Variants in RNF126 observed in about 807,000 individuals in gnomAD.
The protein encoded by RNF126 is E3 ubiquitin-protein ligase RNF126.
In RNF126, 20 loss-of-function variants were observed where a neutral mutation model predicts 41.9. That is an observed-to-expected ratio of 0.48 (90% CI 0.34 to 0.69). The LOEUF (loss-of-function observed/expected upper bound fraction) is 0.69, where lower values mean the gene tolerates loss of function less well. Among genes scored for constraint, RNF126 ranks in the 30% least tolerant of loss-of-function variants. The pLI is 0.01. For missense variants in RNF126, 433 were observed against 460.6 expected (o/e 0.94, Z 0.55); for synonymous variants, 239 against 202.9 (o/e 1.18, Z -1.51).
At chr19:649,370 A>G in intron 6 of RNF126, 1 of 397,406 alleles carries the variant, frequency 2.5e-6, no homozygotes. Flanking sequence ...ACTTGGAAGC[A>G]GGTCAGGGCG....
rs532081713 is a variant in RNF126, at chr19:652,485, C to G, written c.135-189G>C. 6.2e-5 allele frequency: 38 copies of G among 616,100 alleles called. No individual in the cohort carries two copies. In the South Asian group the frequency reaches 6.9e-4, roughly 11 times the overall value. 38.2% of individuals were successfully genotyped at this position (616,100 alleles called of 1,614,324 possible). A position where few individuals can be genotyped will look rare whatever the true frequency, so the allele number is the denominator to read the frequency against. On this transcript the variant is annotated intron_variant, in intron 2 of 8. Coordinates refer to ENST00000292363, the MANE Select transcript of RNF126 (RefSeq NM_194460.3). The stretch of plus-strand genomic sequence containing the variant: ...CCTCGCCAGTAAACCACGGGTTTCT[C>G]GATAAACCGGTGCAGACCCCAACAG...
chr19:648,068 G>A lies in RNF126; in HGVS notation c.*60C>T. 2.0e-6 allele frequency: 3 copies of A among 1,485,576 alleles called. No individual in the cohort carries two copies. Among genetic ancestry groups the A allele is most frequent in the Non-Finnish European group, 2.7e-6 (3 of 1,116,670 alleles). 92.0% of individuals were successfully genotyped at this position (1,485,576 alleles called of 1,614,324 possible). On this transcript the variant is annotated 3_prime_UTR_variant, in exon 9 of 9. Transcript: ENST00000292363. ...GGGGCACCCAGTCTGTGGGTGCCGT[G>A]TGGCGCTGGCTGAGGGTGGGTGGGA...
At chr19:648,656 C>T (rs1251865518) in intron 7 of RNF126, among the ~76,000 whole-genome samples, 169 bp from the exon 8 acceptor site, 1 of 152,194 alleles carries the variant, frequency 6.6e-6, no homozygotes, top group Non-Finnish European at 1.5e-5. Context: ...AGAACCCTCT[C>T]CTCCCAGCCC....
chr19:650,434 A>G (rs1453362640), intron 4 of RNF126, 138 bp from the exon 5 acceptor site: 2 of 726,816 alleles, frequency 2.8e-6, no homozygotes, highest in Non-Finnish European at 4.5e-6. Context: ...TTATTTTACT[A>G]TGAGCCAGGG....
intron 1 of RNF126, among the ~76,000 whole-genome samples, chr19:654,013 G>T (rs1349336047): frequency 1.3e-5 from 2 of 152,134 alleles, no homozygotes; most frequent in Non-Finnish European, 2.9e-5. Context: ...GCAGGGGCAG[G>T]GGCTGGGACC....
At chr19:662,469 C>T (rs1381306866) in intron 1 of RNF126, among the ~76,000 whole-genome samples, 3 of 152,158 alleles carry the variant, frequency 2.0e-5, no homozygotes, top group Non-Finnish European at 4.4e-5. Flanking sequence ...GGTCGGACCC[C>T]GGGACAGTGC....
At chr19:654,991 C>T (rs1222447706) in intron 1 of RNF126, among the ~76,000 whole-genome samples, 1 of 150,572 alleles carries the variant, frequency 6.6e-6, no homozygotes. Flanking sequence ...GTGCTTACAA[C>T]TCAAAAGAAA....
At position 652,300 on chromosome 19, in the gene RNF126, G is replaced by GT. The variant is rs2030347651; in HGVS notation, c.135-5_135-4insA. The GT allele has an allele frequency of 8.3e-6, 13 of 1,558,220 alleles. No homozygotes were observed. Among genetic ancestry groups the GT allele is most frequent in the Middle Eastern group, 1.7e-4 (1 of 5,924 alleles). The stretch of plus-strand genomic sequence containing the variant: ...GGCAGAACCATTTTCTGTGCTCCTG[G>GT]GGAGAGAGTGCAGGTCAGCAGTGCC... On this transcript the variant is annotated splice_region_variant and splice_polypyrimidine_tract_variant and intron_variant, in intron 2 of 8. Transcript: ENST00000292363.
intron 1 of RNF126, among the ~76,000 whole-genome samples, chr19:655,905 T>C (rs1004531246): frequency 5.3e-5 from 8 of 151,680 alleles, no homozygotes; most frequent in African/African-American, 1.9e-4. Flanking sequence ...GATTGCATCT[T>C]GAGGACATCA....
chr19:653,003 G>A (rs2030396865), intron 1 of RNF126, 119 bp from the exon 2 acceptor site: 5 of 932,732 alleles, frequency 5.4e-6, no homozygotes, highest in African/African-American at 1.6e-5. Context: ...GGCACACGCA[G>A]GCCAGGGTGG....
intron 1 of RNF126, among the ~76,000 whole-genome samples, chr19:655,145 A>G (rs745565057): frequency 3.9e-5 from 6 of 152,098 alleles, no homozygotes; most frequent in Non-Finnish European, 7.4e-5. Context: ...CCCCATTTCT[A>G]CAAAAAACAA....
intron 1 of RNF126, among the ~76,000 whole-genome samples, chr19:654,370 C>T (rs1365433858): frequency 3.3e-5 from 5 of 152,224 alleles, no homozygotes; most frequent in African/African-American, 7.2e-5. Context: ...ACCGGGGGCG[C>T]GGTGGCTCAG....
In RNF126 at chr19:651,343, G is replaced by T. The variant is rs10426061; in HGVS notation, c.443+268C>A. On this transcript the variant is annotated intron_variant, in intron 4 of 8. Transcript: ENST00000292363. ...GCCTGGACAGCGTTTGACGACACGC[G>T]TGTGGACAGCAGTCTCCAGAGCACG... 15 of 344,616 alleles carry T rather than the reference G, an allele frequency of 4.4e-5. No individual in the cohort carries two copies. The East Asian group carries it at 7.1e-4, about 16-fold the overall frequency. 21.3% of individuals were successfully genotyped at this position (344,616 alleles called of 1,614,324 possible).
intron 1 of RNF126, among the ~76,000 whole-genome samples, chr19:656,030 G>A (rs1256061419): frequency 1.3e-5 from 2 of 152,058 alleles, no homozygotes; most frequent in East Asian, 3.9e-4. Flanking sequence ...GAGCACCAGG[G>A]CCTGGGGGAG....
rs1003916297 is a variant in RNF126 at position 647,757 on chromosome 19, T to A, written c.*371A>T. Reference sequence around the variant, plus strand: ...GCCGCTGAACCCCGTGCTTCAGCGCTGGGGGAGCCGCTGGGCCCCGTCTTC... The same window carrying A: ...GCCGCTGAACCCCGTGCTTCAGCGCAGGGGGAGCCGCTGGGCCCCGTCTTC... On this transcript the variant is annotated 3_prime_UTR_variant, in exon 9 of 9. Coordinates refer to ENST00000292363, the MANE Select transcript of RNF126 (RefSeq NM_194460.3). The A allele has an allele frequency of 5.9e-6, 2 of 341,754 alleles. No homozygotes were observed. Among genetic ancestry groups the A allele is most frequent in the African/African-American group, 2.3e-5 (1 of 44,270 alleles). The allele number at this position is 341,754 out of a possible 1,614,324, so 21.2% of individuals were successfully genotyped here.
rs1182133784 is a variant in RNF126 at position 649,682 on chromosome 19, T to G, written c.573A>C (p.Thr191=). The G allele has an allele frequency of 6.4e-7, 1 of 1,564,248 alleles. No individual in the cohort carries two copies. The highest frequency in any genetic ancestry group is 2.4e-5 in the East Asian group (1 of 41,698). The change falls in exon 6 of 9, where the codon ACA becomes ACC. Residue 191 remains threonine (T), a synonymous_variant. Coordinates refer to ENST00000292363, the MANE Select transcript of RNF126 (RefSeq NM_194460.3). ...CTGGGCCGTGGCCACGCTGTACCTG[T>G]GTGATGATGGCATCCAGGCCGTTGG... ...WGANGLDAII[T]QLLNQFENTG...
Position 648,450 on chromosome 19 carries a change from G to T in RNF126, c.708C>A (p.Tyr236Ter). ...GCTGCCGCACACGCTCACCCAGCGC[G>T]TAGTCGTCCTTGCACACAGGGCACT... ...GLECPVCKDD[Y>*]ALGERVRQLP... The change falls in exon 8 of 9, where the codon TAC (tyrosine) becomes TAA (stop). Residue 236 changes from tyrosine to a stop codon, truncating the protein, a stop_gained. Transcript: ENST00000292363. LOFTEE classifies it high-confidence loss of function. 1 of 1,590,250 alleles carries T rather than the reference G, an allele frequency of 6.3e-7. No homozygotes were observed.
At position 659,459 on chromosome 19, in the gene RNF126, G is replaced by A. The variant is rs1188135477; in HGVS notation, c.75+3588C>T. Reference sequence around the variant, plus strand: ...AGGTTGCAGGCGTTCGGGGGTGGGGGGTCGGCAGGCAGAGCTGGAACCACC... The same window carrying A: ...AGGTTGCAGGCGTTCGGGGGTGGGGAGTCGGCAGGCAGAGCTGGAACCACC... On this transcript the variant is annotated intron_variant, in intron 1 of 8. Coordinates refer to ENST00000292363, the MANE Select transcript of RNF126 (RefSeq NM_194460.3). This position sits in a 1 kb window ranked among gnomAD's most constrained non-coding sequence, Gnocchi z 4.9. 3.9e-5 allele frequency among the ~76,000 whole-genome samples: 6 copies of A among 152,166 alleles called. No individual in the cohort carries two copies. Among genetic ancestry groups the A allele is most frequent in the Admixed American group, 3.9e-4 (6 of 15,274 alleles).
chr19:652,271 A>G lies in RNF126; in HGVS notation c.160T>C (p.Ser54Pro). 6.4e-7 allele frequency: 1 copy of G among 1,553,130 alleles called. No homozygotes were observed. The highest frequency in any genetic ancestry group is 1.2e-5 in the South Asian group (1 of 80,798). ...CGGCTCTGGTCTGTGGGAGCTGTGG[A>G]GGGGGCAGAACCATTTTCTGTGCTC... ...TRSTENGSAP[S>P]TAPTDQSRPP... is the part of the protein sequence containing the mutation. Residue 54 changes from serine to proline, a missense_variant, in exon 3 of 9, where the codon TCC (serine) becomes CCC (proline). Transcript: ENST00000292363.
Sources: allele counts gnomAD v4.1 joint callset (sites outside exome capture counted in the v4.1 genomes callset), GRCh38; gene constraint gnomAD v4.1.1; non-coding constraint Gnocchi (gnomAD v3.1); transcripts MANE v1.5; gene names NCBI Gene and HGNC (gene_info 2026-07-23, HGNC 2026-07-21).